RPSA2: variants seen among roughly 807,000 people sequenced by gnomAD.
RPSA2 encodes the protein ribosomal protein SA 2.
At chr19:23,779,625 G>A in the RPSA2 span, among the ~76,000 whole-genome samples, 1 of 152,182 alleles carries the variant, frequency 6.6e-6, no homozygotes, top group Non-Finnish European at 1.5e-5. Flanking sequence ...TAGGTGATGC[G>A]ACTCTTCTGT....
the RPSA2 span, among the ~76,000 whole-genome samples, chr19:23,786,826 TGA>T: frequency 6.6e-6 from 1 of 152,100 alleles, no homozygotes; most frequent in Non-Finnish European, 1.5e-5. Flanking sequence ...ACCTAAGGGA[TGA>T]GAGTCTCCTA....
At chr19:23,802,457 A>C in the RPSA2 span, among the ~76,000 whole-genome samples, 8 of 152,216 alleles carry the variant, frequency 5.3e-5, no homozygotes, top group Non-Finnish European at 1.0e-4. Flanking sequence ...GCCCAGGGTC[A>C]CTGGAAATGC....
chr19:23,811,006 C>CTTTTT, the RPSA2 span, among the ~76,000 whole-genome samples: 1 of 130,470 alleles, frequency 7.7e-6, no homozygotes, highest in Admixed American at 7.8e-5. Context: ...CTTAAAGGCA[C>CTTTTT]TTTTTTTTTT....
At chr19:23,809,678 CTT>C in the RPSA2 span, among the ~76,000 whole-genome samples, 2 of 149,484 alleles carry the variant, frequency 1.3e-5, no homozygotes, top group Non-Finnish European at 2.9e-5. Flanking sequence ...GGAACCATAA[CTT>C]ATACTTGTAT....
the RPSA2 span, among the ~76,000 whole-genome samples, chr19:23,826,722 G>A: frequency 2.2e-4 from 33 of 152,088 alleles, 2 homozygotes; most frequent in South Asian, 6.9e-3. Context: ...GTCTTGCCCT[G>A]TCACCTAGGC....
the RPSA2 span, among the ~76,000 whole-genome samples, chr19:23,865,344 G>C: frequency 7.9e-5 from 12 of 152,322 alleles, no homozygotes; most frequent in African/African-American, 2.6e-4. Context: ...TCTGCAGGAG[G>C]TTATTACACA....
chr19:23,847,824 A>T, the RPSA2 span, among the ~76,000 whole-genome samples: 1 of 152,092 alleles, frequency 6.6e-6, no homozygotes, highest in Admixed American at 6.6e-5. Context: ...CAGGAATGCA[A>T]TTCTTTTCCC....
chr19:23,850,665 C>A, the RPSA2 span, among the ~76,000 whole-genome samples: 1 of 151,748 alleles, frequency 6.6e-6, no homozygotes, highest in African/African-American at 2.4e-5. Flanking sequence ...ACCCTCTTCC[C>A]CACGTTATAA....
At chr19:23,857,018 T>C in the RPSA2 span, among the ~76,000 whole-genome samples, 4 of 152,146 alleles carry the variant, frequency 2.6e-5, no homozygotes, top group Non-Finnish European at 5.9e-5. Context: ...CTAGTAAGCC[T>C]GAGGGTACTG....
At chr19:23,814,304 A>G in the RPSA2 span, among the ~76,000 whole-genome samples, 10 of 151,904 alleles carry the variant, frequency 6.6e-5, no homozygotes, top group Admixed American at 6.5e-5. Flanking sequence ...TAATTTTATC[A>G]GTATTGATAT....
the RPSA2 span, among the ~76,000 whole-genome samples, chr19:23,773,492 C>T: frequency 6.6e-6 from 1 of 152,042 alleles, no homozygotes; most frequent in African/African-American, 2.4e-5. Context: ...CCATGTTCAC[C>T]AGGATGGTCT....
At chr19:23,804,463 A>T in the RPSA2 span, among the ~76,000 whole-genome samples, 2 of 150,844 alleles carry the variant, frequency 1.3e-5, no homozygotes, top group Admixed American at 6.6e-5. Context: ...CACCCGGCTA[A>T]TTTTTGTATT....
At chr19:23,812,354 G>A in the RPSA2 span, among the ~76,000 whole-genome samples, 3 of 134,908 alleles carry the variant, frequency 2.2e-5, no homozygotes, top group African/African-American at 8.2e-5. Context: ...AGCTTATCTT[G>A]TATATATTCT....
At chr19:23,852,658 CA>C in the RPSA2 span, among the ~76,000 whole-genome samples, 1 of 152,120 alleles carries the variant, frequency 6.6e-6, no homozygotes, top group South Asian at 2.1e-4. Flanking sequence ...CCCTCATTCC[CA>C]TAAACCCACA....
the RPSA2 span, among the ~76,000 whole-genome samples, chr19:23,864,872 T>A: frequency 3.9e-5 from 6 of 152,114 alleles, no homozygotes; most frequent in African/African-American, 1.2e-4. Flanking sequence ...GTCAAGCAGA[T>A]GACTGACAAC....
the RPSA2 span, among the ~76,000 whole-genome samples, chr19:23,854,061 G>A: frequency 4.6e-5 from 7 of 152,132 alleles, no homozygotes; most frequent in East Asian, 1.9e-4. Flanking sequence ...CCAGGGCCCC[G>A]TGTCTTATCT....
At chr19:23,758,893 A>T in the RPSA2 span, 3 of 1,145,090 alleles carry the variant, frequency 2.6e-6, no homozygotes, top group South Asian at 4.3e-5. Flanking sequence ...GGGAGAGACA[A>T]AGGCCCCGCC....
chr19:23,834,945 A>G, the RPSA2 span, among the ~76,000 whole-genome samples: 3 of 152,028 alleles, frequency 2.0e-5, no homozygotes, highest in Admixed American at 6.5e-5. Flanking sequence ...CTGTGGATAT[A>G]TGTTTATATG....
the RPSA2 span, among the ~76,000 whole-genome samples, chr19:23,851,096 C>A: frequency 6.6e-6 from 1 of 152,176 alleles, no homozygotes; most frequent in Admixed American, 6.5e-5. Context: ...GCCTTGCCTT[C>A]TCCTGTTTGG....
Sources: allele counts gnomAD v4.1 joint callset (sites outside exome capture counted in the v4.1 genomes callset), GRCh38; gene constraint gnomAD v4.1.1; transcripts MANE v1.5; gene names NCBI Gene and HGNC (gene_info 2026-07-23, HGNC 2026-07-21).